REDIC1: variants seen among roughly 807,000 people sequenced by gnomAD.
REDIC1 encodes the protein HEI10 Interacting Protein 1.
chr12:39,881,338 AC>A, the REDIC1 span, among the ~76,000 whole-genome samples: 3 of 152,092 alleles, frequency 2.0e-5, no homozygotes, highest in Admixed American at 1.3e-4. Flanking sequence ...TAAAAAAAAA[AC>A]AATCTGGAAA....
At chr12:39,653,858 A>T in the REDIC1 span, among the ~76,000 whole-genome samples, 2 of 151,952 alleles carry the variant, frequency 1.3e-5, no homozygotes, top group Non-Finnish European at 2.9e-5. Flanking sequence ...TTTCTAGAGC[A>T]TTGAGACTTT....
chr12:39,874,284 GACATAAGT>G, the REDIC1 span, among the ~76,000 whole-genome samples: 3 of 152,084 alleles, frequency 2.0e-5, no homozygotes, highest in African/African-American at 7.2e-5. Flanking sequence ...TGGGTTCACA[GACATAAGT>G]ACTTCACCTT....
the REDIC1 span, among the ~76,000 whole-genome samples, chr12:39,710,784 C>G: frequency 2.0e-5 from 3 of 151,732 alleles, no homozygotes; most frequent in Non-Finnish European, 4.4e-5. Flanking sequence ...ATATCTTTCT[C>G]CATTACAAGG....
the REDIC1 span, among the ~76,000 whole-genome samples, chr12:39,685,173 A>AT: frequency 6.6e-6 from 1 of 152,174 alleles, no homozygotes; most frequent in Non-Finnish European, 1.5e-5. Context: ...TTTTAAACAC[A>AT]TTTTTTAAGT....
chr12:39,633,792 C>T, the REDIC1 span, among the ~76,000 whole-genome samples: 1,846 of 152,222 alleles, frequency 0.012, 29 homozygotes, highest in African/African-American at 0.041. Flanking sequence ...ACCATCGTTA[C>T]GCAGTGTGTG....
the REDIC1 span, chr12:39,758,592 A>AATT: frequency 3.9e-5 from 6 of 152,012 alleles, no homozygotes; most frequent in African/African-American, 1.4e-4. Flanking sequence ...GAAAAGCAAA[A>AATT]ATTAAGAGTT....
chr12:39,763,083 G>A, the REDIC1 span, among the ~76,000 whole-genome samples: 2 of 151,948 alleles, frequency 1.3e-5, no homozygotes, highest in African/African-American at 2.4e-5. Context: ...GTGTTCTCTA[G>A]AATCAGTAAA....
chr12:39,755,876 C>A, the REDIC1 span: 1 of 151,960 alleles, frequency 6.6e-6, no homozygotes, highest in Non-Finnish European at 1.5e-5. Flanking sequence ...TCATGAACTT[C>A]TGAACATCAA....
At chr12:39,676,609 C>G in the REDIC1 span, among the ~76,000 whole-genome samples, 262 of 152,052 alleles carry the variant, frequency 1.7e-3, 1 homozygote, top group Non-Finnish European at 3.1e-3. Flanking sequence ...CAAAGAACAC[C>G]CAGGAAATTC....
the REDIC1 span, among the ~76,000 whole-genome samples, chr12:39,836,501 G>T: frequency 1.3e-5 from 2 of 151,746 alleles, no homozygotes; most frequent in Non-Finnish European, 2.9e-5. Flanking sequence ...CAATTAGGCA[G>T]GAGAAGGAAA....
chr12:39,646,833 T>C, the REDIC1 span: 32 of 1,572,130 alleles, frequency 2.0e-5, no homozygotes, highest in Non-Finnish European at 2.7e-5. Context: ...ATTTTTCTTT[T>C]CATTAGTGTA....
the REDIC1 span, among the ~76,000 whole-genome samples, chr12:39,720,441 A>T: frequency 6.6e-6 from 1 of 152,118 alleles, no homozygotes; most frequent in Non-Finnish European, 1.5e-5. Context: ...AGTATGCTGC[A>T]TATCATTTCT....
chr12:39,835,560 T>C, the REDIC1 span: 3 of 152,080 alleles, frequency 2.0e-5, no homozygotes, highest in African/African-American at 7.2e-5. Context: ...CAGTTTAAAT[T>C]TCAGGCTAAT....
the REDIC1 span, among the ~76,000 whole-genome samples, chr12:39,699,732 G>A: frequency 3.3e-3 from 498 of 152,300 alleles, 5 homozygotes; most frequent in African/African-American, 0.011. Context: ...CTCCCAGCAC[G>A]CAGCTAGAGA....
At chr12:39,866,519 C>T in the REDIC1 span, among the ~76,000 whole-genome samples, 2 of 152,044 alleles carry the variant, frequency 1.3e-5, no homozygotes, top group Non-Finnish European at 2.9e-5. Flanking sequence ...CTCGCTGTCG[C>T]CCTGGTTGGA....
chr12:39,905,610 A>T, the REDIC1 span, among the ~76,000 whole-genome samples: 9 of 152,136 alleles, frequency 5.9e-5, no homozygotes, highest in African/African-American at 2.2e-4. Context: ...CCTCATTATT[A>T]GTCTTGCAAA....
At chr12:39,805,708 A>C in the REDIC1 span, among the ~76,000 whole-genome samples, 2 of 152,210 alleles carry the variant, frequency 1.3e-5, no homozygotes, top group Non-Finnish European at 1.5e-5. Context: ...GGCAAAGGTA[A>C]GTGAAGGGAG....
the REDIC1 span, among the ~76,000 whole-genome samples, chr12:39,764,158 A>G: frequency 6.6e-6 from 1 of 152,008 alleles, no homozygotes; most frequent in African/African-American, 2.4e-5. Flanking sequence ...CTGTGAAACT[A>G]AAAGCTATGG....
the REDIC1 span, chr12:39,682,659 T>A: frequency 6.2e-7 from 1 of 1,608,840 alleles, no homozygotes; most frequent in Non-Finnish European, 8.5e-7. Flanking sequence ...TAATTATGGA[T>A]GAAGATTGTA....
Sources: allele counts gnomAD v4.1 joint callset (sites outside exome capture counted in the v4.1 genomes callset), GRCh38; gene constraint gnomAD v4.1.1; transcripts MANE v1.5; gene names NCBI Gene and HGNC (gene_info 2026-07-23, HGNC 2026-07-21).